The following CAMK2G variants were observed in gnomAD, a reference collection of about 807,000 sequenced individuals.
The protein encoded by CAMK2G is calcium/calmodulin-dependent protein kinase type II subunit gamma.
CAMK2G carries 23 observed loss-of-function variants against 88.7 expected under a neutral mutation model. That is an observed-to-expected ratio of 0.26 (90% confidence interval 0.19 to 0.37). The LOEUF (loss-of-function observed/expected upper bound fraction) is 0.37. CAMK2G is among the 10% of genes least tolerant of loss of function. The pLI is 1.00. For synonymous variants in CAMK2G, 263 were observed against 294.8 expected, an observed-to-expected ratio of 0.89 and a Z score of 1.11; for missense variants, 476 against 780.8, an observed-to-expected ratio of 0.61 and a Z score of 4.65.
chr10:73,820,478 A>G (rs1441685432), intron 18 of CAMK2G, among the ~76,000 whole-genome samples: 1 of 30,724 alleles, frequency 3.3e-5, no homozygotes, highest in Non-Finnish European at 5.9e-5. Flanking sequence ...ATATATATAT[A>G]TATATATATA....
In CAMK2G at chr10:73,865,302, C is replaced by G. The variant is rs1382615628; in HGVS notation, c.161-4413G>C. Among the ~76,000 whole-genome samples the G allele has an allele frequency of 2.6e-5, 4 of 152,208 alleles. 1 individual carries two copies. In the South Asian group the frequency reaches 8.3e-4, roughly 31 times the overall value. Reference sequence around the variant, plus strand: ...ACAGTCTGCAGGTGATGGGCAGCAACAGGGGCTCCTCAGAGAGAGGGGAAC... The same window carrying G: ...ACAGTCTGCAGGTGATGGGCAGCAAGAGGGGCTCCTCAGAGAGAGGGGAAC... On this transcript the variant is annotated intron_variant, in intron 2 of 22. Coordinates refer to ENST00000423381, the MANE Select transcript of CAMK2G (RefSeq NM_001367534.1).
rs182166147 is a variant in CAMK2G, at chr10:73,843,689, C to T, written c.820-1148G>A. Among the ~76,000 whole-genome samples the T allele has an allele frequency of 2.4e-3, 361 of 152,208 alleles. 1 individual carries two copies. The highest frequency in any genetic ancestry group is 8.3e-3 in the African/African-American group (346 of 41,522). ...AATCCTGGCACCTGCAGCCAGGTGC[C>T]CACCAACACTACGGGGCCTCCTCGC... On this transcript the variant is annotated intron_variant, in intron 10 of 22. Transcript: ENST00000423381.
Position 73,848,439 on chromosome 10 carries a change from G to A in CAMK2G, c.601+87C>T, listed in dbSNP as rs527858962. ...CATACACCAGGCACGTGTGTGACCT[G>A]CAAGGAATAGCGATGCCTCTTTCTT... On this transcript the variant is annotated intron_variant, in intron 8 of 22. Transcript: ENST00000423381. The surrounding 1 kb of genome is among the most constrained non-coding windows in gnomAD (Gnocchi z 4.5). 1.2e-4 allele frequency: 102 copies of A among 884,690 alleles called. No individual in the cohort carries two copies. Among genetic ancestry groups the A allele is most frequent in the Middle Eastern group, 9.3e-4 (3 of 3,242 alleles). 54.8% of individuals were successfully genotyped at this position (884,690 alleles called of 1,614,324 possible). A position where few individuals can be genotyped will look rare whatever the true frequency, so the allele number is the denominator to read the frequency against.
intron 19 of CAMK2G, chr10:73,818,456 G>C (rs1318444134): frequency 2.6e-5 from 9 of 343,196 alleles, no homozygotes; most frequent in Non-Finnish European, 5.2e-5. Context: ...GGTTGAGCTT[G>C]GGCTCATCCT....
At chr10:73,837,637 CAA>C in intron 13 of CAMK2G, 126 bp from the exon 14 acceptor site, 1 of 794,064 alleles carries the variant, frequency 1.3e-6, no homozygotes, top group Non-Finnish European at 2.3e-6. Context: ...CCGAAACCCC[CAA>C]AAGAGGCACT....
chr10:73,847,309 G>A lies in CAMK2G; in HGVS notation c.735C>T (p.Ala245=), dbSNP rs1402304161. 2.5e-6 allele frequency: 4 copies of A among 1,614,102 alleles called. No homozygotes were observed. The South Asian group carries it at 4.4e-5, about 18-fold the overall frequency. Residue 245 remains alanine (A), a synonymous_variant, in exon 10 of 23, where the codon GCC becomes GCT. Coordinates refer to ENST00000423381, the MANE Select transcript of CAMK2G (RefSeq NM_001367534.1). ...SPEWDTVTPE[A]KNLINQMLTI... is the part of the protein sequence containing the mutation. Reference sequence around the variant, plus strand: ...TCAGCATCTGGTTGATCAAGTTCTTGGCTTCAGGAGTTACCGTGTCCCATT... The same window carrying A: ...TCAGCATCTGGTTGATCAAGTTCTTAGCTTCAGGAGTTACCGTGTCCCATT...
intron 2 of CAMK2G, among the ~76,000 whole-genome samples, chr10:73,864,981 C>A (rs532346462): frequency 6.6e-6 from 1 of 152,188 alleles, no homozygotes. Context: ...ACAGCAAGAT[C>A]TGAGGTTTAA....
chr10:73,853,345 T>A, intron 3 of CAMK2G, 99 bp from the exon 4 acceptor site: 2 of 1,029,622 alleles, frequency 1.9e-6, no homozygotes, highest in South Asian at 2.7e-5. Flanking sequence ...CCTGTCGGGC[T>A]CACAGGGCTC....
At chr10:73,819,398 C>G (rs1205178573) in intron 19 of CAMK2G, 134 bp downstream of exon 19, 2 of 691,696 alleles carry the variant, frequency 2.9e-6, no homozygotes, top group Non-Finnish European at 5.1e-6. Flanking sequence ...CCCCCCACCC[C>G]CAGCAGAGGC....
intron 12 of CAMK2G, chr10:73,841,690 G>A (rs1407987141): frequency 6.2e-6 from 1 of 160,504 alleles, no homozygotes; most frequent in Admixed American, 6.0e-5. Context: ...CGCCACAAAA[G>A]GTTTAAACAT....
intron 18 of CAMK2G, among the ~76,000 whole-genome samples, chr10:73,820,808 G>T (rs901275457): frequency 6.6e-6 from 1 of 150,942 alleles, no homozygotes; most frequent in Non-Finnish European, 1.5e-5. Context: ...GAGTAGCTAC[G>T]ATTACAGGCA....
chr10:73,815,160 T>TA lies in CAMK2G; in HGVS notation c.1621dup (p.Tyr541LeufsTer74). ...GTCGATGTACTGGGTGAGGCGGATGTAGGCGATGCACGCTGCGTCCTCCCC... is the reference window on the plus strand; with the variant it reads ...GTCGATGTACTGGGTGAGGCGGATGTAAGGCGATGCACGCTGCGTCCTCCCC... On this transcript the variant is annotated frameshift_variant, in exon 22 of 23. Transcript: ENST00000423381. LOFTEE classifies it high-confidence loss of function. 2.5e-6 allele frequency: 4 copies of TA among 1,614,224 alleles called. No homozygotes were observed. Among genetic ancestry groups the TA allele is most frequent in the Non-Finnish European group, 3.4e-6 (4 of 1,180,016 alleles).
At chr10:73,835,244 CCT>C (rs1363695817) in intron 14 of CAMK2G, among the ~76,000 whole-genome samples, 6 of 152,120 alleles carry the variant, frequency 3.9e-5, no homozygotes, top group African/African-American at 1.4e-4. Context: ...ACTGTAAACA[CCT>C]TAAAAGGTAG....
chr10:73,816,539 C>T, intron 21 of CAMK2G: 1 of 727,794 alleles, frequency 1.4e-6, no homozygotes, highest in Non-Finnish European at 1.9e-6. Context: ...TGGCTCACTG[C>T]AAGCTCTGCC....
At chr10:73,857,790 A>G (rs1265746450) in intron 3 of CAMK2G, among the ~76,000 whole-genome samples, 1 of 152,010 alleles carries the variant, frequency 6.6e-6, no homozygotes, top group Admixed American at 6.5e-5. Context: ...ACTCCCCACC[A>G]CTGGCCACAC....
At chr10:73,855,199 C>G (rs2094937835) in intron 3 of CAMK2G, among the ~76,000 whole-genome samples, 1 of 152,202 alleles carries the variant, frequency 6.6e-6, no homozygotes, top group South Asian at 2.1e-4. Flanking sequence ...CCGCCCCACT[C>G]ACTTGCGCAC....
chr10:73,814,904 C>T (rs2084921628), intron 22 of CAMK2G, 99 bp downstream of exon 22: 1 of 791,632 alleles, frequency 1.3e-6, no homozygotes, highest in South Asian at 1.7e-5. Context: ...GGACGGCCCA[C>T]ACCTCCTCTC....
At position 73,868,363 on chromosome 10, in the gene CAMK2G, G is replaced by A. The variant is rs574766803; in HGVS notation, c.160+4626C>T. Among the ~76,000 whole-genome samples, 4 of 152,300 alleles carry A rather than the reference G, an allele frequency of 2.6e-5. No individual in the cohort carries two copies. The South Asian group carries it at 8.3e-4, about 32-fold the overall frequency. On this transcript the variant is annotated intron_variant, in intron 2 of 22. Transcript: ENST00000423381. Reference sequence around the variant, plus strand: ...GCAGCACCCCAAGTCACTCTAGGAAGACAGGTGGGAGGGGAGGGGGACAGG... The same window carrying A: ...GCAGCACCCCAAGTCACTCTAGGAAAACAGGTGGGAGGGGAGGGGGACAGG...
chr10:73,816,022 A>G, intron 21 of CAMK2G: 1 of 985,398 alleles, frequency 1.0e-6, no homozygotes, highest in Non-Finnish European at 1.2e-6. Flanking sequence ...TTATATATGT[A>G]GCTGAGATGT....
Sources: allele counts gnomAD v4.1 joint callset (sites outside exome capture counted in the v4.1 genomes callset), GRCh38; gene constraint gnomAD v4.1.1; non-coding constraint Gnocchi (gnomAD v3.1); transcripts MANE v1.5; gene names NCBI Gene and HGNC (gene_info 2026-07-23, HGNC 2026-07-21).